Variants in KCNH4 observed in about 807,000 individuals in gnomAD.
KCNH4 encodes potassium voltage-gated channel subfamily H member 4.
In KCNH4, 33 loss-of-function variants were observed where a neutral mutation model predicts 90.7. The observed-to-expected ratio is 0.36, with a 90% CI of 0.28 to 0.49. The LOEUF is 0.49. Among genes scored for constraint, KCNH4 ranks in the 20% least tolerant of loss-of-function variants. The pLI is 0.98. For missense variants in KCNH4, 1,044 were observed against 1,387.1 expected (o/e 0.75, Z 3.93); for synonymous variants, 551 against 581.7 (o/e 0.95, Z 0.76).
At chr17:42,162,435 T>C (rs1357805053) in intron 14 of KCNH4, 114 bp from the exon 15 acceptor site, 1 of 824,568 alleles carries the variant, frequency 1.2e-6, no homozygotes, top group East Asian at 2.8e-5. Flanking sequence ...GACAAAGCTC[T>C]AGGGTCTGTA....
At chr17:42,159,305 G>A (rs931751059) in intron 16 of KCNH4, among the ~76,000 whole-genome samples, 2 of 152,216 alleles carry the variant, frequency 1.3e-5, no homozygotes, top group Non-Finnish European at 2.9e-5. Flanking sequence ...AGGATTACAG[G>A]CGTGAGCCAC....
chr17:42,161,093 A>AT (rs1166621920), intron 15 of KCNH4, among the ~76,000 whole-genome samples: 3 of 151,450 alleles, frequency 2.0e-5, no homozygotes, highest in Non-Finnish European at 4.4e-5. Context: ...CGCCCGGCTA[A>AT]TTTTTTTCGT....
chr17:42,163,607 G>C lies in KCNH4; in HGVS notation c.2476C>G (p.Arg826Gly). The C allele has an allele frequency of 7.1e-7, 1 of 1,412,808 alleles. No homozygotes were observed. Among genetic ancestry groups the C allele is most frequent in the Non-Finnish European group, 9.6e-7 (1 of 1,041,804 alleles). The allele number at this position is 1,412,808 out of a possible 1,614,324, so 87.5% of individuals were successfully genotyped here. A position where few individuals can be genotyped will look rare whatever the true frequency, so the allele number is the denominator to read the frequency against. Residue 826 changes from arginine (R) to glycine (G), a missense_variant and splice_region_variant, in exon 13 of 17, where the codon CGG becomes GGG. Physicochemically the swap from Arg to Gly is moderately radical, Grantham distance 125 (BLOSUM62 -2). This residue lies in a region of KCNH4 where 441 missense variants were observed against 512.3 expected (regional missense o/e 0.86). Coordinates refer to ENST00000264661, the MANE Select transcript of KCNH4 (RefSeq NM_012285.3). This position sits in a 1 kb window ranked among gnomAD's most constrained non-coding sequence, Gnocchi z 5.4. The part of the protein sequence containing the change: ...GTFGPPDLSP[R>G]IVDGIEDSGS... ...AAGCAGGGGAGGCTGGCGTCTCACC[G>C]GGGACTGAGGTCCGGAGGTCCAAAG...
In KCNH4 at chr17:42,166,445, G is replaced by GT; in HGVS notation, c.1691_1692insA (p.Cys564Ter). The change falls in exon 10 of 17, where the codon TGC (cysteine) becomes TGAC (stop). Residue 564 changes from cysteine (C) to a stop codon, truncating the protein, a stop_gained and frameshift_variant. Coordinates refer to ENST00000264661, the MANE Select transcript of KCNH4 (RefSeq NM_012285.3). LOFTEE classifies it high-confidence loss of function. ...LPLFGAASRG[C>*]LRALSLHIKT... Reference sequence around the variant, plus strand: ...TGATGTGCAGCGATAGGGCCCGCAGGCAGCCCCTGCTCGCTGCCCCGAACA... The same window carrying GT: ...TGATGTGCAGCGATAGGGCCCGCAGGTCAGCCCCTGCTCGCTGCCCCGAACA... 6.2e-7 allele frequency: 1 copy of GT among 1,614,132 alleles called. No homozygotes were observed. The highest frequency in any genetic ancestry group is 8.5e-7 in the Non-Finnish European group (1 of 1,179,986).
chr17:42,169,929 G>T (rs752923711), intron 8 of KCNH4, among the ~76,000 whole-genome samples, 178 bp downstream of exon 8: 1 of 152,218 alleles, frequency 6.6e-6, no homozygotes, highest in Non-Finnish European at 1.5e-5. Context: ...ACGCCTGTTT[G>T]TGGCATCCCC....
chr17:42,172,704 G>A (rs1009499705), intron 6 of KCNH4, among the ~76,000 whole-genome samples: 3 of 151,952 alleles, frequency 2.0e-5, no homozygotes, highest in South Asian at 2.1e-4. Flanking sequence ...AACTCAGGGT[G>A]GGCATCTGGG....
chr17:42,171,999 C>CA lies in KCNH4; in HGVS notation c.988-5dup, dbSNP rs752915083. 6.3e-7 allele frequency: 1 copy of CA among 1,585,744 alleles called. No individual in the cohort carries two copies. Among genetic ancestry groups the CA allele is most frequent in the South Asian group, 1.1e-5 (1 of 88,322 alleles). On this transcript the variant is annotated splice_polypyrimidine_tract_variant and splice_region_variant and intron_variant, in intron 6 of 16. Transcript: ENST00000264661. ...TCAGTAGGTGCACCAGCGAGGTCTG[C>CA]AGGAAGGTGGCGGGGGAGGCTGTCA...
At chr17:42,172,470 C>A (rs567044793) in intron 6 of KCNH4, among the ~76,000 whole-genome samples, 1 of 150,876 alleles carries the variant, frequency 6.6e-6, no homozygotes, top group East Asian at 2.0e-4. Flanking sequence ...CTGCACCCGG[C>A]CTTAGTAAGT....
chr17:42,181,037 C>T lies in KCNH4; in HGVS notation c.-92G>A. On this transcript the variant is annotated 5_prime_UTR_variant, in exon 1 of 17. Coordinates refer to ENST00000264661, the MANE Select transcript of KCNH4 (RefSeq NM_012285.3). ...GCGCTGTCGGAGGGGCCGGGGCGCCCCATGCGCCCTCCTGCCTCCTCCCCT... is the reference window on the plus strand; with the variant it reads ...GCGCTGTCGGAGGGGCCGGGGCGCCTCATGCGCCCTCCTGCCTCCTCCCCT... The T allele has an allele frequency of 8.7e-7, 1 of 1,147,464 alleles. No homozygotes were observed. The allele number at this position is 1,147,464 out of a possible 1,614,324, so 71.1% of individuals were successfully genotyped here. A position where few individuals can be genotyped will look rare whatever the true frequency, so the allele number is the denominator to read the frequency against.
chr17:42,160,920 C>CTTTTTTTTTTTTTT (rs57677761), intron 15 of KCNH4, among the ~76,000 whole-genome samples: 27 of 73,414 alleles, frequency 3.7e-4, no homozygotes, highest in Non-Finnish European at 6.0e-4. Flanking sequence ...TTTTCTTTTT[C>CTTTTTTTTTTTTTT]TTTTTTTTTT....
In KCNH4 at chr17:42,159,772, C is replaced by T; in HGVS notation, c.*268G>A. On this transcript the variant is annotated 3_prime_UTR_variant, in exon 16 of 17. Coordinates refer to ENST00000264661, the MANE Select transcript of KCNH4 (RefSeq NM_012285.3). ...GGGAGAAAGTAGGATCTCATCTGCCCAGCCCAATGGGCACTGCGGTTCATC... is the reference window on the plus strand; with the variant it reads ...GGGAGAAAGTAGGATCTCATCTGCCTAGCCCAATGGGCACTGCGGTTCATC... The T allele has an allele frequency of 3.0e-6, 1 of 334,572 alleles. No individual in the cohort carries two copies. Among genetic ancestry groups the T allele is most frequent in the Non-Finnish European group, 5.4e-6 (1 of 184,578 alleles). 20.7% of individuals were successfully genotyped at this position (334,572 alleles called of 1,614,324 possible). A position where few individuals can be genotyped will look rare whatever the true frequency, so the allele number is the denominator to read the frequency against.
chr17:42,165,347 T>A, intron 11 of KCNH4, 102 bp downstream of exon 11: 2 of 1,441,052 alleles, frequency 1.4e-6, no homozygotes, highest in Non-Finnish European at 1.9e-6. Flanking sequence ...TTCAGGCATG[T>A]GTTTTTAGGG....
Position 42,181,008 on chromosome 17 carries a change from G to C in KCNH4, c.-63C>G, listed in dbSNP as rs555866465. ...GCTTTCAGCGCGGCCGGGCCGGAGG[G>C]GGCGCGCTGTCGGAGGGGCCGGGGC... On this transcript the variant is annotated 5_prime_UTR_variant, in exon 1 of 17. Coordinates refer to ENST00000264661, the MANE Select transcript of KCNH4 (RefSeq NM_012285.3). 1.5e-5 allele frequency: 22 copies of C among 1,510,000 alleles called. No individual in the cohort carries two copies. The African/African-American group carries it at 2.5e-4, about 17-fold the overall frequency. The allele number at this position is 1,510,000 out of a possible 1,614,324, so 93.5% of individuals were successfully genotyped here.
In KCNH4 at chr17:42,181,069, T is replaced by TACTGCC. The variant is rs1359521436; in HGVS notation, c.-130_-125dup. ...CCCTCCTGCCTCCTCCCCTCCCTCT[T>TACTGCC]ACTGCCGCTGCCGCTGCCGCTGCCT... is the stretch of plus-strand genomic sequence containing the variant. On this transcript the variant is annotated 5_prime_UTR_variant, in exon 1 of 17. Coordinates refer to ENST00000264661, the MANE Select transcript of KCNH4 (RefSeq NM_012285.3). 1 of 797,796 alleles carries TACTGCC rather than the reference T, an allele frequency of 1.3e-6. No individual in the cohort carries two copies. Among genetic ancestry groups the TACTGCC allele is most frequent in the African/African-American group, 1.8e-5 (1 of 54,768 alleles). 49.4% of individuals were successfully genotyped at this position (797,796 alleles called of 1,614,324 possible). A position where few individuals can be genotyped will look rare whatever the true frequency, so the allele number is the denominator to read the frequency against.
At chr17:42,169,025 C>G (rs1329265713) in intron 9 of KCNH4, among the ~76,000 whole-genome samples, 3 of 152,258 alleles carry the variant, frequency 2.0e-5, no homozygotes, top group Middle Eastern at 3.4e-3. Flanking sequence ...CCCACCTCGG[C>G]CTCCCAAAGT....
chr17:42,162,410 C>T (rs547975843), intron 14 of KCNH4, 89 bp from the exon 15 acceptor site: 29 of 1,130,220 alleles, frequency 2.6e-5, no homozygotes, highest in South Asian at 3.9e-5. Flanking sequence ...ATTGGGCAGG[C>T]GGAGAGCAGG....
At chr17:42,177,364 A>ATTT (rs766097116) in intron 4 of KCNH4, among the ~76,000 whole-genome samples, 15 of 125,200 alleles carry the variant, frequency 1.2e-4, no homozygotes, top group Non-Finnish European at 2.4e-4. Context: ...ATAATTTTTA[A>ATTT]TTTTTTTTTT....
At chr17:42,168,427 C>T (rs556600031) in intron 9 of KCNH4, among the ~76,000 whole-genome samples, 27 of 152,260 alleles carry the variant, frequency 1.8e-4, no homozygotes, top group African/African-American at 6.5e-4. Flanking sequence ...AGGTGTATTA[C>T]GATGTCAAGA....
rs767863820 is a variant in KCNH4 at position 42,175,615 on chromosome 17, C to A, written c.951G>T (p.Leu317=). Residue 317 remains leucine (L), a synonymous_variant, in exon 6 of 17, where the codon CTG becomes CTT. Coordinates refer to ENST00000264661, the MANE Select transcript of KCNH4 (RefSeq NM_012285.3). ...TGAAGATGTAAAGCAGGTCAAAGGG[C>A]AGAGCAGCAATAAGGTCGATGAAGA... ...TWFFIDLIAA[L]PFDLLYIFNI... The A allele has an allele frequency of 6.2e-6, 10 of 1,614,002 alleles. No homozygotes were observed. In the African/African-American group the frequency reaches 1.1e-4, roughly 17 times the overall value.
Sources: allele counts gnomAD v4.1 joint callset (sites outside exome capture counted in the v4.1 genomes callset), GRCh38; gene constraint gnomAD v4.1.1; regional missense constraint gnomAD v4.1.1; non-coding constraint Gnocchi (gnomAD v3.1); transcripts MANE v1.5; gene names NCBI Gene and HGNC (gene_info 2026-07-23, HGNC 2026-07-21).